SAR1B: variants seen among roughly 807,000 people sequenced by gnomAD.
SAR1B encodes secretion associated Ras related GTPase 1B.
SAR1B carries 23 observed loss-of-function variants against 26.8 expected under a neutral mutation model. The ratio of observed to expected loss-of-function variants is 0.86; its 90% CI spans 0.62 to 1.22. SAR1B has a LOEUF of 1.22. SAR1B is among the 50% of genes most tolerant of loss of function. The pLI is 0.00. For synonymous variants in SAR1B, 65 were observed against 80.8 expected (o/e 0.80, Z 1.05); for missense variants, 196 against 232.8 (o/e 0.84, Z 1.03).
chr5:134,622,999 T>G (rs2150054827), intron 2 of SAR1B, among the ~76,000 whole-genome samples: 1 of 151,466 alleles, frequency 6.6e-6, no homozygotes, highest in Non-Finnish European at 1.5e-5. Context: ...AGTATATGCC[T>G]GTAATCCCAG....
At chr5:134,617,037 C>T (rs1027018952) in intron 3 of SAR1B, among the ~76,000 whole-genome samples, 3 of 152,052 alleles carry the variant, frequency 2.0e-5, no homozygotes, top group Non-Finnish European at 2.9e-5. Context: ...TCAAGACCAG[C>T]CTAAGCAACA....
intron 3 of SAR1B, among the ~76,000 whole-genome samples, chr5:134,616,372 G>A (rs1401641142): frequency 6.6e-6 from 1 of 151,050 alleles, no homozygotes; most frequent in Admixed American, 6.6e-5. Flanking sequence ...GGGAGGTGGA[G>A]GTTGCAGTGA....
chr5:134,604,832 A>G lies in SAR1B; in HGVS notation c.*2118T>C, dbSNP rs1765102576. 2.0e-5 allele frequency: 3 copies of G among 152,348 alleles called. No individual in the cohort carries two copies. The South Asian group carries it at 6.2e-4, about 32-fold the overall frequency. 9.4% of individuals were successfully genotyped at this position (152,348 alleles called of 1,614,324 possible). On this transcript the variant is annotated 3_prime_UTR_variant, in exon 7 of 7. Coordinates refer to ENST00000402673, the MANE Select transcript of SAR1B (RefSeq NM_016103.4). ...TATCATAATAGATACTCTAGGAAAT[A>G]CTTGAAGAAAGGCAGGTCCCTGAAG...
chr5:134,611,775 G>A (rs762672787), intron 4 of SAR1B, among the ~76,000 whole-genome samples: 6 of 152,114 alleles, frequency 3.9e-5, no homozygotes, highest in East Asian at 1.9e-4. Flanking sequence ...ACTCATGTGC[G>A]GATGGGGATG....
rs1192703452 is a variant in SAR1B, at chr5:134,602,168, A to C, written c.*4782T>G. On this transcript the variant is annotated 3_prime_UTR_variant, in exon 7 of 7. Coordinates refer to ENST00000402673, the MANE Select transcript of SAR1B (RefSeq NM_016103.4). ...CTAAAATCTATTTGGGGCAGGGGAC[A>C]CACCTGAAACAAAGTTGGCTTTGGA... is the stretch of plus-strand genomic sequence containing the variant. 6.6e-6 allele frequency: 1 copy of C among 152,246 alleles called. No homozygotes were observed. The highest frequency in any genetic ancestry group is 2.4e-5 in the African/African-American group (1 of 41,470). 9.4% of individuals were successfully genotyped at this position (152,246 alleles called of 1,614,324 possible).
chr5:134,629,115 T>TAAA (rs781245048), intron 1 of SAR1B, among the ~76,000 whole-genome samples: 1 of 135,024 alleles, frequency 7.4e-6, no homozygotes, highest in Non-Finnish European at 1.6e-5. Context: ...ACCCTGTCTT[T>TAAA]AAAAAAAAAA....
intron 3 of SAR1B, among the ~76,000 whole-genome samples, chr5:134,619,348 CA>C (rs1448923317): frequency 8.2e-6 from 1 of 121,856 alleles, no homozygotes; most frequent in South Asian, 2.8e-4. Flanking sequence ...AAAAAACTTT[CA>C]ATTTTTTTGG....
At chr5:134,628,034 G>A (rs1765528778) in intron 1 of SAR1B, among the ~76,000 whole-genome samples, 1 of 151,574 alleles carries the variant, frequency 6.6e-6, no homozygotes, top group South Asian at 2.1e-4. Context: ...AGCTACTCAG[G>A]AGGCTGAGGC....
In SAR1B at chr5:134,606,961, A is replaced by T. The variant is rs1765138689; in HGVS notation, c.586T>A (p.Tyr196Asn). Residue 196 changes from tyrosine to asparagine, a missense_variant, in exon 7 of 7, where the codon TAC (tyrosine) becomes AAC (asparagine). Physicochemically the swap from Tyr to Asn is moderately radical, Grantham distance 143. Coordinates refer to ENST00000402673, the MANE Select transcript of SAR1B (RefSeq NM_016103.4). ...AATGTGAGTTTGTGTTAATCAATGTACTGTGCCATCCAGCGGAAGCCTTCT... is the reference window on the plus strand; with the variant it reads ...AATGTGAGTTTGTGTTAATCAATGTTCTGTGCCATCCAGCGGAAGCCTTCT... ...YGEGFRWMAQYID is the reference protein window; with the variant it reads ...YGEGFRWMAQNID 1.2e-6 allele frequency: 2 copies of T among 1,609,732 alleles called. No individual in the cohort carries two copies. Among genetic ancestry groups the T allele is most frequent in the Admixed American group, 3.3e-5 (2 of 60,004 alleles).
At chr5:134,607,547 C>T (rs1031411973) in intron 6 of SAR1B, among the ~76,000 whole-genome samples, 4 of 151,746 alleles carry the variant, frequency 2.6e-5, no homozygotes, top group African/African-American at 9.7e-5. Context: ...CCAAGGCGGG[C>T]GGATCACCTG....
chr5:134,626,336 T>C (rs1344969612), intron 1 of SAR1B, among the ~76,000 whole-genome samples: 2 of 148,034 alleles, frequency 1.4e-5, no homozygotes. Context: ...AAAAATGTGG[T>C]TTCTAGGAAC....
chr5:134,626,331 T>C (rs1327769592), intron 1 of SAR1B, among the ~76,000 whole-genome samples: 3 of 100,796 alleles, frequency 3.0e-5, no homozygotes, highest in Non-Finnish European at 2.1e-5. Context: ...AAAAAAAAAA[T>C]GTGGTTTCTA....
chr5:134,621,111 A>G, intron 2 of SAR1B, 59 bp from the exon 3 acceptor site: 1 of 1,580,748 alleles, frequency 6.3e-7, no homozygotes, highest in Non-Finnish European at 8.7e-7. Flanking sequence ...ATCCAAATGA[A>G]TTTAAATTTG....
chr5:134,615,795 C>T (rs997382358), intron 3 of SAR1B, among the ~76,000 whole-genome samples: 1 of 151,718 alleles, frequency 6.6e-6, no homozygotes, highest in Non-Finnish European at 1.5e-5. Context: ...CTAGCCTGGG[C>T]GACAGAGCAA....
chr5:134,612,271 C>T lies in SAR1B; in HGVS notation c.244+420G>A, dbSNP rs115452472. On this transcript the variant is annotated intron_variant, in intron 4 of 6. Coordinates refer to ENST00000402673, the MANE Select transcript of SAR1B (RefSeq NM_016103.4). Reference sequence around the variant, plus strand: ...CAAAAGCAATTCTCATTTGAATTGGCCAGAAGTATCATGAAAATCACCCTT... The same window carrying T: ...CAAAAGCAATTCTCATTTGAATTGGTCAGAAGTATCATGAAAATCACCCTT... 6.6e-3 allele frequency among the ~76,000 whole-genome samples: 998 copies of T among 152,078 alleles called. 9 individuals are homozygous for T. The highest frequency in any genetic ancestry group is 0.012 in the Non-Finnish European group (822 of 67,984).
rs1412652371 is a variant in SAR1B at position 134,623,902 on chromosome 5, G to A, written c.58+60C>T. The A allele has an allele frequency of 6.4e-6, 7 of 1,090,288 alleles. No homozygotes were observed. The African/African-American group carries it at 9.3e-5, about 14-fold the overall frequency. 67.5% of individuals were successfully genotyped at this position (1,090,288 alleles called of 1,614,324 possible). A position where few individuals can be genotyped will look rare whatever the true frequency, so the allele number is the denominator to read the frequency against. The stretch of plus-strand genomic sequence containing the variant: ...CTATAAAGAGACTTGACACAGATAA[G>A]CACTATTAAATAAATAAGACCAAAG... On this transcript the variant is annotated intron_variant, in intron 2 of 6. Coordinates refer to ENST00000402673, the MANE Select transcript of SAR1B (RefSeq NM_016103.4).
rs749648549 is a variant in SAR1B, at chr5:134,612,751, C to T, written c.184G>A (p.Glu62Lys). 1.4e-5 allele frequency: 22 copies of T among 1,543,986 alleles called. No homozygotes were observed. The highest frequency in any genetic ancestry group is 2.8e-5 in the African/African-American group (2 of 70,278). The part of the protein sequence containing the change: ...QHVPTLHPTS[E>K]ELTIAGMTFT... ...GTCATGCCAGCAATGGTCAGTTCTT[C>T]GGAAGCTAAATAAGATTTTAAAATA... is the stretch of plus-strand genomic sequence containing the variant. Residue 62 changes from glutamate to lysine, a missense_variant, in exon 4 of 7, where the codon GAA becomes AAA. Coordinates refer to ENST00000402673, the MANE Select transcript of SAR1B (RefSeq NM_016103.4).
Position 134,607,027 on chromosome 5 carries a change from C to T in SAR1B, c.520G>A (p.Glu174Lys), listed in dbSNP as rs1288784484. ...SLKELNARPLEVFMCSVLKRQ... is the reference protein window; with the variant it reads ...SLKELNARPLKVFMCSVLKRQ... ...TTGAGCACACTACACATGAAAACTT[C>T]TAAGGGTCGGGCATTCAGTTCTTTC... Residue 174 changes from glutamate to lysine, a missense_variant, in exon 7 of 7, where the codon GAA becomes AAA. By Grantham distance (56) the Glu-to-Lys change is moderately conservative (BLOSUM62 1). Transcript: ENST00000402673. The T allele has an allele frequency of 6.2e-7, 1 of 1,614,058 alleles. No individual in the cohort carries two copies. Among genetic ancestry groups the T allele is most frequent in the Non-Finnish European group, 8.5e-7 (1 of 1,179,932 alleles).
intron 3 of SAR1B, among the ~76,000 whole-genome samples, chr5:134,620,261 G>A (rs1018144331): frequency 3.3e-5 from 5 of 151,054 alleles, no homozygotes; most frequent in Admixed American, 1.3e-4. Context: ...AGCGGAGGTC[G>A]TGCCACTGCA....
Sources: gnomAD v4.1 joint callset for allele counts (sites outside exome capture counted in the v4.1 genomes callset) on GRCh38, gnomAD v4.1.1 for gene constraint, MANE v1.5 for transcripts, NCBI Gene and HGNC (gene_info 2026-07-23, HGNC 2026-07-21) for gene names.